PCDHGB5: variants seen among roughly 807,000 people sequenced by gnomAD.
PCDHGB5 encodes protocadherin gamma subfamily B, 5, also known as protocadherin gamma-B5.
A neutral mutation model predicts 62.9 loss-of-function variants in PCDHGB5; 48 were observed. The observed-to-expected ratio is 0.76, with a 90% CI of 0.61 to 0.97. The LOEUF is 0.97. Among genes scored for constraint, PCDHGB5 ranks in the 50% least tolerant of loss-of-function variants. The probability of loss-of-function intolerance (pLI) is 0.00; values close to 1 mark genes in which losing one functional copy is unlikely to be tolerated. For missense variants in PCDHGB5, 1,118 were observed against 1,198.6 expected, an observed-to-expected ratio of 0.93 and a Z score of 0.99; for synonymous variants, 474 against 511.2, an observed-to-expected ratio of 0.93 and a Z score of 0.98.
intron 1 of PCDHGB5, chr5:141,422,554 G>A (rs753985751): frequency 1.2e-5 from 19 of 1,613,870 alleles, no homozygotes; most frequent in Non-Finnish European, 1.6e-5. Flanking sequence ...CTGGCTGAAT[G>A]TGGCAGATGA....
rs749937052 is a variant in PCDHGB5, at chr5:141,490,441, G to A, written c.2398-4366G>A. ...CCTGCCATTTCAGATTAAGCCTTCT[G>A]AGAACCACTACTCGCTGCTAACCAG... On this transcript the variant is annotated intron_variant, in intron 1 of 3. Coordinates refer to ENST00000617380, the MANE Select transcript of PCDHGB5 (RefSeq NM_018925.3). The surrounding 1 kb of genome is among the most constrained non-coding windows in gnomAD (Gnocchi z 5.4). The A allele has an allele frequency of 9.3e-6, 15 of 1,614,208 alleles. No homozygotes were observed. The highest frequency in any genetic ancestry group is 1.2e-5 in the Non-Finnish European group (14 of 1,180,042).
In PCDHGB5 at chr5:141,431,892, A is replaced by G. The variant is rs1456048000; in HGVS notation, c.2397+31368A>G. The G allele has an allele frequency of 2.1e-5, 34 of 1,614,054 alleles. No homozygotes were observed. Among genetic ancestry groups the G allele is most frequent in the Non-Finnish European group, 2.7e-5 (32 of 1,179,972 alleles). ...AATGTAAATGACCAAGATTCTGAGG[A>G]AAACGGACAGGTGATCTGTTTCATC... is the stretch of plus-strand genomic sequence containing the variant. On this transcript the variant is annotated intron_variant, in intron 1 of 3. Transcript: ENST00000617380. The surrounding 1 kb of genome is among the most constrained non-coding windows in gnomAD (Gnocchi z 4.8).
rs138616951 is a variant in PCDHGB5, at chr5:141,490,312, C to T, written c.2398-4495C>T. On this transcript the variant is annotated intron_variant, in intron 1 of 3. Transcript: ENST00000617380. The surrounding 1 kb of genome is among the most constrained non-coding windows in gnomAD (Gnocchi z 5.4). ...GGTGCTATTGGCCTCTTTGGCCAAC[C>T]CTGTCCTAGAGAGCACACCAGTGGG... 67 of 1,614,050 alleles carry T rather than the reference C, an allele frequency of 4.2e-5. No individual in the cohort carries two copies. The highest frequency in any genetic ancestry group is 5.3e-5 in the Non-Finnish European group (63 of 1,180,008).
chr5:141,422,056 G>C lies in PCDHGB5; in HGVS notation c.2397+21532G>C, dbSNP rs1003977721. 1.2e-6 allele frequency: 2 copies of C among 1,611,816 alleles called. No individual in the cohort carries two copies. The highest frequency in any genetic ancestry group is 2.7e-5 in the African/African-American group (2 of 74,764). ...GGATCCAGACGAGGGAATCAACGGG[G>C]AAGTAATGTATTCATTTCGGAACAT... On this transcript the variant is annotated intron_variant, in intron 1 of 3. Transcript: ENST00000617380.
At chr5:141,494,188 T>C (rs2099752632) in intron 1 of PCDHGB5, among the ~76,000 whole-genome samples, 1 of 152,186 alleles carries the variant, frequency 6.6e-6, no homozygotes, top group South Asian at 2.1e-4. Flanking sequence ...GTCCCGGGAC[T>C]TGGATGCCCC....
chr5:141,421,895 G>A, intron 1 of PCDHGB5: 1 of 1,613,730 alleles, frequency 6.2e-7, no homozygotes, highest in African/African-American at 1.3e-5. Flanking sequence ...GATCCCATCC[G>A]AAAGGGCGCA....
chr5:141,427,776 G>A (rs3828681), intron 1 of PCDHGB5: 73,622 of 1,424,156 alleles, frequency 0.052, 2,339 homozygotes, highest in African/African-American at 0.13. Flanking sequence ...GGAGCTGCGG[G>A]CACTGTCGTC....
At chr5:141,470,201 G>C (rs2154570565) in intron 1 of PCDHGB5, among the ~76,000 whole-genome samples, 1 of 152,274 alleles carries the variant, frequency 6.6e-6, no homozygotes, top group Non-Finnish European at 1.5e-5. Flanking sequence ...AGATAAATAT[G>C]AAGGCTAAAC....
At chr5:141,452,000 A>G (rs2098730428) in intron 1 of PCDHGB5, among the ~76,000 whole-genome samples, 1 of 152,198 alleles carries the variant, frequency 6.6e-6, no homozygotes, top group Admixed American at 6.5e-5. Flanking sequence ...AAGCAAAATC[A>G]CTTGGTCCAG....
intron 2 of PCDHGB5, among the ~76,000 whole-genome samples, chr5:141,499,283 G>T (rs1460838051): frequency 6.6e-6 from 1 of 152,066 alleles, no homozygotes; most frequent in Non-Finnish European, 1.5e-5. Context: ...TTCTCTGATG[G>T]CTCCACACTA....
intron 1 of PCDHGB5, among the ~76,000 whole-genome samples, chr5:141,401,410 A>T (rs536817103): frequency 2.6e-5 from 4 of 152,354 alleles, no homozygotes; most frequent in African/African-American, 9.6e-5. Context: ...TGAGAGAGAA[A>T]GAGAGAGACT....
Position 141,485,870 on chromosome 5 carries a change from C to T in PCDHGB5, c.2398-8937C>T. The stretch of plus-strand genomic sequence containing the variant: ...CACCGCAGAGCTCCGGGTATCCGTG[C>T]TGGACGTAAACGACAACGCCCCAGC... On this transcript the variant is annotated intron_variant, in intron 1 of 3. Coordinates refer to ENST00000617380, the MANE Select transcript of PCDHGB5 (RefSeq NM_018925.3). This position sits in a 1 kb window ranked among gnomAD's most constrained non-coding sequence, Gnocchi z 5.7. 6.2e-7 allele frequency: 1 copy of T among 1,614,174 alleles called. No homozygotes were observed. The highest frequency in any genetic ancestry group is 8.5e-7 in the Non-Finnish European group (1 of 1,180,032).
intron 1 of PCDHGB5, chr5:141,430,905 C>T: frequency 6.2e-7 from 1 of 1,606,922 alleles, no homozygotes; most frequent in Non-Finnish European, 8.5e-7. Context: ...GGCGACATCT[C>T]CAGGGACCTG....
Position 141,432,759 on chromosome 5 carries a change from G to A in PCDHGB5, c.2397+32235G>A. 6.2e-7 allele frequency: 1 copy of A among 1,614,150 alleles called. No individual in the cohort carries two copies. The highest frequency in any genetic ancestry group is 8.5e-7 in the Non-Finnish European group (1 of 1,180,006). On this transcript the variant is annotated intron_variant, in intron 1 of 3. Coordinates refer to ENST00000617380, the MANE Select transcript of PCDHGB5 (RefSeq NM_018925.3). This position sits in a 1 kb window ranked among gnomAD's most constrained non-coding sequence, Gnocchi z 6.0. ...ACGCTCACCGTGGCCGTGGCCGACA[G>A]CATCCCCCAAGTCCTGGCGGACCTC...
At chr5:141,422,881 T>G in intron 1 of PCDHGB5, 1 of 1,614,214 alleles carries the variant, frequency 6.2e-7, no homozygotes, top group East Asian at 2.2e-5. Flanking sequence ...GCTGAGCCTG[T>G]TCGTGCTGGA....
intron 1 of PCDHGB5, chr5:141,427,902 C>G: frequency 6.4e-7 from 1 of 1,573,742 alleles, no homozygotes; most frequent in South Asian, 1.1e-5. Flanking sequence ...CTCGCCCGCG[C>G]TCAGCGCCAA....
chr5:141,423,904 G>A, intron 1 of PCDHGB5: 2 of 1,275,052 alleles, frequency 1.6e-6, no homozygotes, highest in Middle Eastern at 3.1e-4. Flanking sequence ...TGATTTCAAA[G>A]GGGCCATTCA....
intron 1 of PCDHGB5, chr5:141,419,105 C>G: frequency 6.2e-7 from 1 of 1,613,918 alleles, no homozygotes; most frequent in Non-Finnish European, 8.5e-7. Context: ...GGAGCAGACC[C>G]CAGAGTACAA....
chr5:141,472,307 C>T (rs949288194), intron 1 of PCDHGB5, among the ~76,000 whole-genome samples: 2 of 150,368 alleles, frequency 1.3e-5, no homozygotes, highest in Admixed American at 6.6e-5. Flanking sequence ...TTTGGGAAGC[C>T]GAGGCAGGCA....
Sources: allele counts gnomAD v4.1 joint callset (sites outside exome capture counted in the v4.1 genomes callset), GRCh38; gene constraint gnomAD v4.1.1; non-coding constraint Gnocchi (gnomAD v3.1); transcripts MANE v1.5; gene names NCBI Gene and HGNC (gene_info 2026-07-23, HGNC 2026-07-21).